AOX1: variants seen among roughly 807,000 people sequenced by gnomAD.
The protein encoded by AOX1 is aldehyde oxidase.
Under a neutral mutation model 169.5 loss-of-function variants are expected in AOX1, and 153 were observed. The observed-to-expected ratio is 0.90, with a 90% CI of 0.79 to 1.03. The LOEUF is 1.03. Among genes scored for constraint, AOX1 ranks in the 50% least tolerant of loss-of-function variants. The pLI is 0.00. For synonymous variants in AOX1, 562 were observed against 581.9 expected (o/e 0.97, Z 0.49); for missense variants, 1,656 against 1,663.9 (o/e 1.00, Z 0.08).
chr2:200,605,507 T>G (rs760348428), intron 9 of AOX1, 29 bp from the exon 10 acceptor site: 6 of 1,045,570 alleles, frequency 5.7e-6, no homozygotes, highest in Non-Finnish European at 7.9e-6. Flanking sequence ...TCTAGTCTTA[T>G]TGATTTTTTT....
At chr2:200,586,866 C>G (rs1267100994) in intron 1 of AOX1, among the ~76,000 whole-genome samples, 1 of 152,146 alleles carries the variant, frequency 6.6e-6, no homozygotes, top group Non-Finnish European at 1.5e-5. Flanking sequence ...AAGCAAAGCC[C>G]CCTGGGCATC....
chr2:200,655,857 T>G (rs1054887916), intron 26 of AOX1, among the ~76,000 whole-genome samples: 9 of 152,190 alleles, frequency 5.9e-5, no homozygotes, highest in Admixed American at 1.3e-4. Context: ...TATCTGGTGA[T>G]TAACATGCAG....
chr2:200,615,520 C>A (rs1045901258), intron 15 of AOX1, among the ~76,000 whole-genome samples: 13 of 152,118 alleles, frequency 8.5e-5, no homozygotes, highest in Non-Finnish European at 2.9e-5. Context: ...CCTGTGTCCC[C>A]CTTTCTACAC....
At chr2:200,586,245 C>G in intron 1 of AOX1, 92 bp downstream of exon 1, 1 of 1,366,374 alleles carries the variant, frequency 7.3e-7, no homozygotes, top group Non-Finnish European at 9.8e-7. Context: ...CTTTCGTGCC[C>G]GCCGTTTAAG....
Position 200,616,091 on chromosome 2 carries a change from T to C in AOX1, c.1704+28T>C. The C allele has an allele frequency of 2.0e-6, 3 of 1,524,806 alleles. No homozygotes were observed. The South Asian group carries it at 3.4e-5, about 17-fold the overall frequency. The allele number at this position is 1,524,806 out of a possible 1,614,324, so 94.5% of individuals were successfully genotyped here. A position where few individuals can be genotyped will look rare whatever the true frequency, so the allele number is the denominator to read the frequency against. ...GAGCGGTATTTCTTGTTTTTAAAAA[T>C]TCACAATCTGGGCTATAGTGATTTG... On this transcript the variant is annotated intron_variant, in intron 16 of 34. Transcript: ENST00000374700.
At chr2:200,656,732 G>A in intron 26 of AOX1, 110 bp from the exon 27 acceptor site, 3 of 740,614 alleles carry the variant, frequency 4.1e-6, no homozygotes, top group Non-Finnish European at 4.1e-6. Context: ...TCCACCCTGG[G>A]GGGTGCGGGA....
chr2:200,665,618 G>A (rs1368103786), intron 31 of AOX1, among the ~76,000 whole-genome samples: 1 of 152,168 alleles, frequency 6.6e-6, no homozygotes, highest in Non-Finnish European at 1.5e-5. Context: ...TTTTAGTAGA[G>A]ACGGCATTTC....
In AOX1 at chr2:200,609,014, C is replaced by A; in HGVS notation, c.938C>A (p.Ala313Asp). The change falls in exon 11 of 35, where the codon GCC becomes GAC. Residue 313 changes from alanine to aspartate, a missense_variant. Ala to Asp is a moderately radical substitution (Grantham distance 126). Coordinates refer to ENST00000374700, the MANE Select transcript of AOX1 (RefSeq NM_001159.4). ...ACCCTTGGTGCTGGTCTCAGCCTAG[C>A]CCAGGTGAAGGACATTTTGGCTGAT... The part of the protein sequence containing the change: ...GLTLGAGLSL[A>D]QVKDILADVV... The A allele has an allele frequency of 1.2e-6, 2 of 1,614,042 alleles. No homozygotes were observed. The highest frequency in any genetic ancestry group is 1.7e-6 in the Non-Finnish European group (2 of 1,179,950).
At chr2:200,599,918 T>G (rs2034374778) in intron 5 of AOX1, among the ~76,000 whole-genome samples, 172 bp downstream of exon 5, 1 of 152,224 alleles carries the variant, frequency 6.6e-6, no homozygotes. Flanking sequence ...CCCCTCATGC[T>G]TTTACTTTTA....
At chr2:200,613,411 C>T (rs1037265313) in intron 14 of AOX1, among the ~76,000 whole-genome samples, 1 of 152,124 alleles carries the variant, frequency 6.6e-6, no homozygotes, top group Non-Finnish European at 1.5e-5. Flanking sequence ...TCATACCTAC[C>T]TCACAGGGCA....
chr2:200,626,136 A>G (rs2034999548), intron 19 of AOX1, among the ~76,000 whole-genome samples: 1 of 152,236 alleles, frequency 6.6e-6, no homozygotes. Flanking sequence ...CCACAATCCT[A>G]TGAGGCAAAA....
chr2:200,637,879 C>A (rs1269695325), intron 22 of AOX1, among the ~76,000 whole-genome samples: 1 of 152,164 alleles, frequency 6.6e-6, no homozygotes, highest in Non-Finnish European at 1.5e-5. Context: ...GATCTGCATT[C>A]TTCCATTTGT....
chr2:200,666,658 T>G, intron 31 of AOX1, 29 bp from the exon 32 acceptor site: 1 of 1,550,924 alleles, frequency 6.4e-7, no homozygotes. Flanking sequence ...CTCATTAAAA[T>G]AAACATTTTA....
downstream of AOX1, among the ~76,000 whole-genome samples, chr2:200,679,916 T>TA: frequency 6.6e-6 from 1 of 151,974 alleles, no homozygotes; most frequent in Non-Finnish European, 1.5e-5. Flanking sequence ...GCCCCATCTA[T>TA]AAAAAAATAA....
At chr2:200,603,401 A>G in intron 7 of AOX1, 45 bp downstream of exon 7, 2 of 1,454,032 alleles carry the variant, frequency 1.4e-6, no homozygotes, top group South Asian at 1.1e-5. Context: ...CAGGACATGA[A>G]CAGGAGCCAA....
chr2:200,676,861 T>C, intron 4 of AOX1: 3 of 467,046 alleles, frequency 6.4e-6, no homozygotes, highest in South Asian at 1.6e-5. Context: ...CTTCATCCAC[T>C]ATTCATCCTC....
chr2:200,631,814 T>A (rs2035131835), intron 20 of AOX1, among the ~76,000 whole-genome samples: 1 of 152,184 alleles, frequency 6.6e-6, no homozygotes, highest in Non-Finnish European at 1.5e-5. Context: ...ATAGGCAGAA[T>A]CAATAATACT....
At chr2:200,657,190 A>ATATATATATATATATTTTTTT in intron 27 of AOX1, among the ~76,000 whole-genome samples, 13 of 62,868 alleles carry the variant, frequency 2.1e-4, no homozygotes, top group African/African-American at 5.5e-4. Flanking sequence ...ATATATATAT[A>ATATATATATATATATTTTTTT]TTTTTTTTTT....
intron 3 of AOX1, among the ~76,000 whole-genome samples, chr2:200,596,756 G>A (rs906662845): frequency 1.3e-5 from 2 of 152,094 alleles, no homozygotes; most frequent in Non-Finnish European, 2.9e-5. Flanking sequence ...TCACATCGGA[G>A]TTTAGTTTAT....
Sources: gnomAD v4.1 joint callset for allele counts (sites outside exome capture counted in the v4.1 genomes callset) on GRCh38, gnomAD v4.1.1 for gene constraint, MANE v1.5 for transcripts, NCBI Gene and HGNC (gene_info 2026-07-23, HGNC 2026-07-21) for gene names.